The following ANO6 variants were observed in gnomAD, a reference collection of about 807,000 sequenced individuals.
ANO6 encodes the protein anoctamin-6.
Under a neutral mutation model 117.5 loss-of-function variants are expected in ANO6, and 106 were observed. The ratio of observed to expected loss-of-function variants is 0.90; its 90% CI spans 0.77 to 1.06. The LOEUF (loss-of-function observed/expected upper bound fraction) is 1.06, where lower values mean the gene tolerates loss of function less well. Among genes scored for constraint, ANO6 ranks in the 50% least tolerant of loss-of-function variants. The pLI is 0.00. For synonymous variants in ANO6, 367 were observed against 385.1 expected, an observed-to-expected ratio of 0.95 and a Z score of 0.55; for missense variants, 955 against 1,121.1, an observed-to-expected ratio of 0.85 and a Z score of 2.12.
At chr12:45,319,042 A>G (rs1358101823) in intron 2 of ANO6, among the ~76,000 whole-genome samples, 1 of 152,194 alleles carries the variant, frequency 6.6e-6, no homozygotes, top group Non-Finnish European at 1.5e-5. Context: ...TTCTAGATAT[A>G]CAATCATGTC....
Position 45,397,383 on chromosome 12 carries a change from G to T in ANO6, c.1387-4412G>T, listed in dbSNP as rs571057690. 1.1e-4 allele frequency among the ~76,000 whole-genome samples: 17 copies of T among 152,334 alleles called. No individual in the cohort carries two copies. In the South Asian group the frequency reaches 3.3e-3, roughly 30 times the overall value. On this transcript the variant is annotated intron_variant, in intron 12 of 19. Transcript: ENST00000320560. ...GGAGAAATAGGAATGCTTTTACACT[G>T]TTGGGAGTGTAAATTGGTTCAACCA...
At chr12:45,381,690 ATGTC>A (rs1942172608) in intron 10 of ANO6, among the ~76,000 whole-genome samples, 1 of 152,178 alleles carries the variant, frequency 6.6e-6, no homozygotes, top group Non-Finnish European at 1.5e-5. Context: ...ACACCAGACT[ATGTC>A]TTGCTTGCAT....
chr12:45,371,166 G>A (rs538732863), intron 9 of ANO6, among the ~76,000 whole-genome samples: 2 of 152,280 alleles, frequency 1.3e-5, no homozygotes, highest in African/African-American at 2.4e-5. Context: ...CTTAAAAAAC[G>A]GCGCACCACA....
In ANO6 at chr12:45,429,170, G is replaced by C. The variant is rs1943576577; in HGVS notation, c.2592G>C (p.Lys864Asn). ...YAIPDVSKRTKSKIQREKYLT... is the reference protein window; with the variant it reads ...YAIPDVSKRTNSKIQREKYLT... ...TTCCCGATGTATCAAAACGCACAAA[G>C]AGCAAGATCCAGAGAGAAAAATACC... Residue 864 changes from lysine to asparagine, a missense_variant, in exon 20 of 20, where the codon AAG (lysine) becomes AAC (asparagine). Lys to Asn is a moderately conservative substitution (Grantham distance 94, BLOSUM62 0). Coordinates refer to ENST00000320560, the MANE Select transcript of ANO6 (RefSeq NM_001025356.3). 1 of 1,613,746 alleles carries C rather than the reference G, an allele frequency of 6.2e-7. No homozygotes were observed. Among genetic ancestry groups the C allele is most frequent in the Non-Finnish European group, 8.5e-7 (1 of 1,179,932 alleles).
chr12:45,239,708 A>G lies in ANO6; in HGVS notation c.70+23317A>G, dbSNP rs1297733692. On this transcript the variant is annotated intron_variant, in intron 1 of 19. Coordinates refer to ENST00000320560, the MANE Select transcript of ANO6 (RefSeq NM_001025356.3). ...TAGTGCTATAAATTTCCCTCTGCAC[A>G]CTGCTTTAAATGTGTCCCAGAGATT... Among the ~76,000 whole-genome samples, 6 of 152,130 alleles carry G rather than the reference A, an allele frequency of 3.9e-5. No homozygotes were observed. The East Asian group carries it at 1.2e-3, about 29-fold the overall frequency.
chr12:45,320,232 T>C (rs1421419273), intron 2 of ANO6, among the ~76,000 whole-genome samples: 1 of 152,202 alleles, frequency 6.6e-6, no homozygotes, highest in Non-Finnish European at 1.5e-5. Flanking sequence ...TTTAGATCTT[T>C]CCTGCTTTCT....
chr12:45,278,260 A>G (rs1938614567), intron 1 of ANO6, among the ~76,000 whole-genome samples: 1 of 151,984 alleles, frequency 6.6e-6, no homozygotes, highest in African/African-American at 2.4e-5. Context: ...CCCAACCCCC[A>G]ACTCCATTTT....
At chr12:45,345,267 G>A (rs1941098008) in intron 3 of ANO6, among the ~76,000 whole-genome samples, 1 of 152,198 alleles carries the variant, frequency 6.6e-6, no homozygotes, top group Non-Finnish European at 1.5e-5. Flanking sequence ...GGACTCAAAT[G>A]TAGCCAAATA....
intron 17 of ANO6, among the ~76,000 whole-genome samples, chr12:45,418,501 G>C (rs1436579045): frequency 6.6e-6 from 1 of 152,182 alleles, no homozygotes; most frequent in Non-Finnish European, 1.5e-5. Context: ...AGTACACTAA[G>C]CTGGACAAGA....
rs1016638688 is a variant in ANO6 at position 45,407,494 on chromosome 12, C to G, written c.1881-1863C>G. On this transcript the variant is annotated intron_variant, in intron 15 of 19. Coordinates refer to ENST00000320560, the MANE Select transcript of ANO6 (RefSeq NM_001025356.3). Reference sequence around the variant, plus strand: ...TGCTACCTGAGTCACCCCCCCCCCCCCCCCCGGAATGACTGCAAAACTGCA... The same window carrying G: ...TGCTACCTGAGTCACCCCCCCCCCCGCCCCCGGAATGACTGCAAAACTGCA... Among the ~76,000 whole-genome samples the G allele has an allele frequency of 2.9e-4, 20 of 68,420 alleles. 1 individual carries two copies. Among genetic ancestry groups the G allele is most frequent in the East Asian group, 7.1e-4 (1 of 1,418 alleles). The allele number at this position is 68,420 out of a possible 152,430, so 44.9% of individuals were successfully genotyped here.
chr12:45,394,366 C>A lies in ANO6; in HGVS notation c.1386+3868C>A, dbSNP rs528615161. The stretch of plus-strand genomic sequence containing the variant: ...CATAAAGCAAGTCCTTAGAGACCTG[C>A]AAAGAGACTTAGACTCCCACACAAT... On this transcript the variant is annotated intron_variant, in intron 12 of 19. Transcript: ENST00000320560. Among the ~76,000 whole-genome samples the A allele has an allele frequency of 3.3e-4, 50 of 152,242 alleles. 1 individual carries two copies. In the East Asian group the frequency reaches 7.7e-3, roughly 23 times the overall value.
chr12:45,352,560 T>TAAG (rs1274975873), intron 7 of ANO6, among the ~76,000 whole-genome samples: 1 of 93,932 alleles, frequency 1.1e-5, no homozygotes, highest in East Asian at 3.4e-4. Flanking sequence ...GATCCAGTCT[T>TAAG]AAAAAAAAAA....
intron 2 of ANO6, among the ~76,000 whole-genome samples, chr12:45,316,142 C>A (rs892735483): frequency 1.3e-5 from 2 of 152,098 alleles, no homozygotes; most frequent in Admixed American, 6.6e-5. Flanking sequence ...TAATTAATTT[C>A]AGTTAATTTA....
Position 45,403,551 on chromosome 12 carries a change from G to A in ANO6, c.1880+15G>A. 3 of 1,592,822 alleles carry A rather than the reference G, an allele frequency of 1.9e-6. No individual in the cohort carries two copies. The highest frequency in any genetic ancestry group is 2.6e-6 in the Non-Finnish European group (3 of 1,161,298). ...GTATTATTGCCGTGAGTGTTAAATT[G>A]TATAGCCATGGGTAAAAGGACAAGG... On this transcript the variant is annotated intron_variant, in intron 15 of 19. Coordinates refer to ENST00000320560, the MANE Select transcript of ANO6 (RefSeq NM_001025356.3).
intron 19 of ANO6, among the ~76,000 whole-genome samples, chr12:45,424,327 G>GGT (rs1943439717): frequency 1.2e-5 from 1 of 81,240 alleles, no homozygotes; most frequent in Admixed American, 1.9e-4. Context: ...TAGGTGATGG[G>GGT]TTTTTTTTTT....
At chr12:45,394,119 C>T (rs1362890133) in intron 12 of ANO6, among the ~76,000 whole-genome samples, 1 of 152,068 alleles carries the variant, frequency 6.6e-6, no homozygotes, top group African/African-American at 2.4e-5. Flanking sequence ...TGCAAAGACA[C>T]ATATAGGCTC....
At chr12:45,281,078 G>A (rs943260363) in intron 1 of ANO6, among the ~76,000 whole-genome samples, 5 of 152,072 alleles carry the variant, frequency 3.3e-5, no homozygotes, top group East Asian at 1.9e-4. Flanking sequence ...ATATGTGTGT[G>A]TGTGAATAGG....
intron 10 of ANO6, among the ~76,000 whole-genome samples, chr12:45,379,841 G>T (rs747582284): frequency 1.2e-4 from 19 of 152,210 alleles, no homozygotes; most frequent in Non-Finnish European, 1.2e-4. Context: ...AATGCAGAAA[G>T]TATTTCAGCA....
rs112158667 is a variant in ANO6, at chr12:45,244,210, A to G, written c.70+27819A>G. 4.5e-4 allele frequency among the ~76,000 whole-genome samples: 68 copies of G among 152,326 alleles called. 1 individual carries two copies. The highest frequency in any genetic ancestry group is 1.6e-3 in the African/African-American group (68 of 41,574). ...TTGTTGTAACCAAAAGAAGATGAAT[A>G]AGTGAAAGTTTTCACAGTTTGGGAA... On this transcript the variant is annotated intron_variant, in intron 1 of 19. Coordinates refer to ENST00000320560, the MANE Select transcript of ANO6 (RefSeq NM_001025356.3).
Sources: gnomAD v4.1 joint callset for allele counts (sites outside exome capture counted in the v4.1 genomes callset) on GRCh38, gnomAD v4.1.1 for gene constraint, MANE v1.5 for transcripts, NCBI Gene and HGNC (gene_info 2026-07-23, HGNC 2026-07-21) for gene names.